The following MYO5C variants were observed in gnomAD, a reference collection of about 807,000 sequenced individuals.
MYO5C encodes the protein myosin VC, also known as unconventional myosin-Vc.
In MYO5C, 194 loss-of-function variants were observed where a neutral mutation model predicts 235.7. The ratio of observed to expected loss-of-function variants is 0.82; its 90% CI spans 0.73 to 0.93. MYO5C has a LOEUF of 0.93. Among genes scored for constraint, MYO5C ranks in the 40% least tolerant of loss-of-function variants. MYO5C has a pLI of 0.00. For missense variants in MYO5C, 2,038 were observed against 2,127.2 expected, an observed-to-expected ratio of 0.96 and a Z score of 0.82; for synonymous variants, 707 against 754.8, an observed-to-expected ratio of 0.94 and a Z score of 1.04.
intron 8 of MYO5C, among the ~76,000 whole-genome samples, chr15:52,267,687 A>G (rs927149313): frequency 2.6e-5 from 4 of 152,220 alleles, no homozygotes; most frequent in African/African-American, 9.7e-5. Flanking sequence ...CTCCATCTCA[A>G]AAAAAGACAC....
chr15:52,211,828 G>A lies in MYO5C; in HGVS notation c.4198C>T (p.Leu1400=). The part of the protein sequence containing the change: ...NMIPGLPAHI[L]FMCVRYADSL... ...TCTGCGTAGCGCACACACATGAACA[G>A]GATATGAGCCGGCAGCCCGGGGATC... The change falls in exon 35 of 41, where the codon CTG becomes TTG. Residue 1400 remains leucine (L), a synonymous_variant. Coordinates refer to ENST00000261839, the MANE Select transcript of MYO5C (RefSeq NM_018728.4). 2 of 1,614,142 alleles carry A rather than the reference G, an allele frequency of 1.2e-6. No individual in the cohort carries two copies. Among genetic ancestry groups the A allele is most frequent in the African/African-American group, 1.3e-5 (1 of 75,060 alleles).
chr15:52,227,150 C>CA (rs981511150), intron 25 of MYO5C, among the ~76,000 whole-genome samples: 13 of 141,688 alleles, frequency 9.2e-5, no homozygotes, highest in Non-Finnish European at 1.5e-4. Context: ...AACTCTGTCT[C>CA]AAAAAAAACC....
intron 1 of MYO5C, among the ~76,000 whole-genome samples, chr15:52,287,792 C>T (rs1264236908): frequency 6.6e-6 from 1 of 152,124 alleles, no homozygotes; most frequent in African/African-American, 2.4e-5. Context: ...GCCTGACCAA[C>T]ATGGAGAAAC....
rs1449409573 is a variant in MYO5C at position 52,258,692 on chromosome 15, T to C, written c.1314-1972A>G. Among the ~76,000 whole-genome samples, 14 of 152,226 alleles carry C rather than the reference T, an allele frequency of 9.2e-5. No homozygotes were observed. In the East Asian group the frequency reaches 2.5e-3, roughly 27 times the overall value. On this transcript the variant is annotated intron_variant, in intron 10 of 40. Transcript: ENST00000261839. ...GCTTGGCCCCAGGCTGCAGCCCTGCTGCCTAGAGGAAAGCTGATTTTTTTG... is the reference window on the plus strand; with the variant it reads ...GCTTGGCCCCAGGCTGCAGCCCTGCCGCCTAGAGGAAAGCTGATTTTTTTG...
chr15:52,244,313 G>A (rs2036291272), intron 19 of MYO5C, 43 bp downstream of exon 19: 1 of 1,585,372 alleles, frequency 6.3e-7, no homozygotes, highest in African/African-American at 1.3e-5. Flanking sequence ...GATCAGCACA[G>A]AAAGCCCCAC....
At position 52,233,258 on chromosome 15, in the gene MYO5C, G is replaced by C. The variant is rs1449462584; in HGVS notation, c.2963-573C>G. ...CCCGCCACTGCACTCCAGCCTGGGC[G>C]ACAGAGCGAGACTCCGTCTCAAAAA... On this transcript the variant is annotated intron_variant, in intron 23 of 40. Transcript: ENST00000261839. Among the ~76,000 whole-genome samples, 17 of 10,296 alleles carry C rather than the reference G, an allele frequency of 1.7e-3. 1 individual carries two copies. The highest frequency in any genetic ancestry group is 8.7e-3 in the East Asian group (17 of 1,962). 6.8% of individuals were successfully genotyped at this position (10,296 alleles called of 152,430 possible).
chr15:52,273,592 A>G (rs1267039475), intron 5 of MYO5C, among the ~76,000 whole-genome samples: 1 of 152,114 alleles, frequency 6.6e-6, no homozygotes, highest in Admixed American at 6.5e-5. Flanking sequence ...TCTGCCATGT[A>G]AGGGTACCGT....
chr15:52,247,166 C>CA, intron 15 of MYO5C, 152 bp from the exon 16 acceptor site: 1 of 691,956 alleles, frequency 1.4e-6, no homozygotes, highest in Non-Finnish European at 2.4e-6. Context: ...CAGTCCGTGA[C>CA]TGTGGTTTAT....
chr15:52,236,359 C>A (rs1460872992), intron 22 of MYO5C, among the ~76,000 whole-genome samples: 1 of 152,178 alleles, frequency 6.6e-6, no homozygotes, highest in African/African-American at 2.4e-5. Flanking sequence ...AAGCCACCAA[C>A]CCTGGGTGCT....
At chr15:52,284,324 AAAG>A (rs1177765546) in intron 1 of MYO5C, among the ~76,000 whole-genome samples, 2 of 152,240 alleles carry the variant, frequency 1.3e-5, no homozygotes, top group African/African-American at 4.8e-5. Context: ...ACGCTGAGTT[AAAG>A]AAGCCTTACA....
At chr15:52,254,078 G>A (rs544419258) in intron 11 of MYO5C, among the ~76,000 whole-genome samples, 2 of 152,304 alleles carry the variant, frequency 1.3e-5, no homozygotes, top group South Asian at 2.1e-4. Flanking sequence ...ATGGGTGCTT[G>A]AGAAACGCAC....
chr15:52,193,866 G>A lies in MYO5C; in HGVS notation c.*36C>T, dbSNP rs1263485737. On this transcript the variant is annotated 3_prime_UTR_variant, in exon 41 of 41. Transcript: ENST00000261839. ...ATCCCTCATATTGAACCTTCACTTAGCTTTTGAAGAAAAAGTGCATTGACT... is the reference window on the plus strand; with the variant it reads ...ATCCCTCATATTGAACCTTCACTTAACTTTTGAAGAAAAAGTGCATTGACT... 11 of 1,588,970 alleles carry A rather than the reference G, an allele frequency of 6.9e-6. No individual in the cohort carries two copies. The highest frequency in any genetic ancestry group is 9.4e-6 in the Non-Finnish European group (11 of 1,171,674).
At chr15:52,290,133 G>A (rs545972591) in intron 1 of MYO5C, among the ~76,000 whole-genome samples, 1 of 152,042 alleles carries the variant, frequency 6.6e-6, no homozygotes, top group African/African-American at 2.4e-5. Flanking sequence ...CTCCCCCACT[G>A]GCATTTGAAC....
chr15:52,288,524 G>T (rs192488826), intron 1 of MYO5C, among the ~76,000 whole-genome samples: 1 of 152,144 alleles, frequency 6.6e-6, no homozygotes, highest in East Asian at 1.9e-4. Flanking sequence ...AACCCAGCCT[G>T]GTAAGTAAAC....
intron 1 of MYO5C, among the ~76,000 whole-genome samples, chr15:52,284,319 G>A (rs2037218654): frequency 6.6e-6 from 1 of 152,134 alleles, no homozygotes; most frequent in African/African-American, 2.4e-5. Flanking sequence ...AAAGCACGCT[G>A]AGTTAAAGAA....
intron 30 of MYO5C, 44 bp from the exon 31 acceptor site, chr15:52,219,866 A>C: frequency 6.9e-7 from 1 of 1,452,172 alleles, no homozygotes; most frequent in African/African-American, 1.4e-5. Context: ...GGCACATATC[A>C]CTGCATTCTG....
At chr15:52,214,810 G>A in intron 32 of MYO5C, 120 bp from the exon 33 acceptor site, 2 of 564,516 alleles carry the variant, frequency 3.5e-6, no homozygotes, top group Non-Finnish European at 6.0e-6. Context: ...CCCATTTAAA[G>A]TGTAAACTCA....
intron 1 of MYO5C, among the ~76,000 whole-genome samples, chr15:52,287,985 A>C (rs2037312567): frequency 6.6e-6 from 1 of 152,182 alleles, no homozygotes; most frequent in Non-Finnish European, 1.5e-5. Flanking sequence ...TCAAAAAAAA[A>C]AAAAAATTAA....
At chr15:52,223,818 G>A (rs748691545) in intron 28 of MYO5C, 94 bp from the exon 29 acceptor site, 102 of 1,098,832 alleles carry the variant, frequency 9.3e-5, no homozygotes, top group Middle Eastern at 2.4e-4. Flanking sequence ...AACAAGAGCC[G>A]TGCACGAAGT....
Sources: allele counts gnomAD v4.1 joint callset (sites outside exome capture counted in the v4.1 genomes callset), GRCh38; gene constraint gnomAD v4.1.1; transcripts MANE v1.5; gene names NCBI Gene and HGNC (gene_info 2026-07-23, HGNC 2026-07-21).